The following NKAIN2 variants were observed in gnomAD, a reference collection of about 807,000 sequenced individuals.
The protein encoded by NKAIN2 is sodium/potassium-transporting ATPase subunit beta-1-interacting protein 2.
NKAIN2 carries 14 observed loss-of-function variants against 32.6 expected under a neutral mutation model. The ratio of observed to expected loss-of-function variants is 0.43; its 90% CI spans 0.28 to 0.67. The LOEUF (loss-of-function observed/expected upper bound fraction) is 0.67. Ranked by LOEUF, NKAIN2 falls within the 30% of genes least tolerant of loss-of-function variation. NKAIN2 has a pLI of 0.17. For synonymous variants in NKAIN2, 80 were observed against 87.2 expected, an observed-to-expected ratio of 0.92 and a Z score of 0.46; for missense variants, 198 against 258.3, an observed-to-expected ratio of 0.77 and a Z score of 1.60.
intron 3 of NKAIN2, among the ~76,000 whole-genome samples, chr6:124,649,256 TAAG>T (rs1235850089): frequency 6.6e-6 from 1 of 152,098 alleles, no homozygotes; most frequent in African/African-American, 2.4e-5. Flanking sequence ...AGAGGGAAGT[TAAG>T]AATTACTAAT....
intron 3 of NKAIN2, among the ~76,000 whole-genome samples, chr6:124,467,323 G>T (rs1473970334): frequency 6.6e-6 from 1 of 152,062 alleles, no homozygotes; most frequent in East Asian, 1.9e-4. Flanking sequence ...TTAGTTTGAT[G>T]CATGTAAGAC....
chr6:124,411,228 T>C (rs1348390572), intron 3 of NKAIN2, among the ~76,000 whole-genome samples: 1 of 152,162 alleles, frequency 6.6e-6, no homozygotes, highest in Admixed American at 6.5e-5. Flanking sequence ...GTCATTATGA[T>C]GTTAGCTGGT....
At chr6:123,856,735 C>T (rs758590807) in intron 1 of NKAIN2, among the ~76,000 whole-genome samples, 14 of 152,200 alleles carry the variant, frequency 9.2e-5, no homozygotes, top group African/African-American at 1.9e-4. Flanking sequence ...TGGGGCTCCA[C>T]CACAGCCCTA....
chr6:123,913,828 A>AT (rs1775344547), intron 1 of NKAIN2, among the ~76,000 whole-genome samples: 1 of 152,182 alleles, frequency 6.6e-6, no homozygotes, highest in Non-Finnish European at 1.5e-5. Flanking sequence ...CTTTATATTG[A>AT]TTTTTTCATA....
intron 1 of NKAIN2, among the ~76,000 whole-genome samples, chr6:124,149,268 C>A (rs1787577662): frequency 6.6e-6 from 1 of 152,048 alleles, no homozygotes; most frequent in Non-Finnish European, 1.5e-5. Context: ...TTTTTACTTT[C>A]TTGATGGTAC....
At chr6:123,943,123 T>C (rs190412181) in intron 1 of NKAIN2, among the ~76,000 whole-genome samples, 7 of 152,164 alleles carry the variant, frequency 4.6e-5, no homozygotes, top group Admixed American at 4.6e-4. Flanking sequence ...TCAAGAGTAG[T>C]TGGAAAGGAA....
chr6:123,894,533 C>T (rs1433566946), intron 1 of NKAIN2, among the ~76,000 whole-genome samples: 1 of 151,648 alleles, frequency 6.6e-6, no homozygotes, highest in African/African-American at 2.4e-5. Context: ...GAGAAGCATT[C>T]AAGGAAGGAG....
chr6:124,189,914 T>C (rs1157748325), intron 1 of NKAIN2, among the ~76,000 whole-genome samples: 2 of 152,216 alleles, frequency 1.3e-5, no homozygotes, highest in Non-Finnish European at 2.9e-5. Flanking sequence ...TATAGACATT[T>C]GGTACTTTGA....
rs374915805 is a variant in NKAIN2, at chr6:124,523,477, C to T, written c.274-134709C>T. ...TTCGCACTTTTCCCCAAGGATTCAC[C>T]GAGAAAAATCAAAAGTGAATCACAA... On this transcript the variant is annotated intron_variant, in intron 3 of 6. Coordinates refer to ENST00000368417, the MANE Select transcript of NKAIN2 (RefSeq NM_001040214.3). Among the ~76,000 whole-genome samples the T allele has an allele frequency of 9.3e-5, 13 of 139,878 alleles. No individual in the cohort carries two copies. The East Asian group carries it at 2.2e-3, about 24-fold the overall frequency. The allele number at this position is 139,878 out of a possible 152,430, so 91.8% of individuals were successfully genotyped here. A position where few individuals can be genotyped will look rare whatever the true frequency, so the allele number is the denominator to read the frequency against.
At chr6:124,058,204 GTT>G (rs35264755) in intron 1 of NKAIN2, among the ~76,000 whole-genome samples, 110,469 of 132,146 alleles carry the variant, frequency 0.84, 46,028 homozygotes, top group Admixed American at 0.91. Flanking sequence ...TTTAAGTTTT[GTT>G]TTTTTTTTTT....
At chr6:124,341,750 C>T (rs1798124197) in intron 2 of NKAIN2, among the ~76,000 whole-genome samples, 1 of 152,104 alleles carries the variant, frequency 6.6e-6, no homozygotes, top group Non-Finnish European at 1.5e-5. Context: ...CCCTGACAAA[C>T]TAGAAGTTAT....
At chr6:124,378,013 T>G (rs759354035) in intron 3 of NKAIN2, among the ~76,000 whole-genome samples, 12 of 152,250 alleles carry the variant, frequency 7.9e-5, no homozygotes, top group Non-Finnish European at 1.6e-4. Context: ...CCCTGCTGGC[T>G]GTGTGGATAC....
intron 1 of NKAIN2, among the ~76,000 whole-genome samples, chr6:124,028,905 A>G (rs1259634810): frequency 4.3e-4 from 7 of 16,106 alleles, no homozygotes; most frequent in Admixed American, 3.0e-3. Flanking sequence ...ATATATATAC[A>G]CATATATGTA....
chr6:124,477,721 C>CCCTTCCCCCTCCCTCT (rs1489738900), intron 3 of NKAIN2, among the ~76,000 whole-genome samples: 1 of 65,754 alleles, frequency 1.5e-5, no homozygotes, highest in African/African-American at 5.0e-5. Flanking sequence ...TTACTCTTCC[C>CCCTTCCCCCTCCCTCT]CCTTCCCCCT....
At chr6:123,913,216 T>A (rs1775311949) in intron 1 of NKAIN2, among the ~76,000 whole-genome samples, 1 of 152,172 alleles carries the variant, frequency 6.6e-6, no homozygotes, top group South Asian at 2.1e-4. Context: ...GGGAAAGGGA[T>A]ACATTTTTGG....
intron 4 of NKAIN2, among the ~76,000 whole-genome samples, chr6:124,772,456 C>A (rs547947598): frequency 6.6e-6 from 1 of 152,242 alleles, no homozygotes; most frequent in South Asian, 2.1e-4. Flanking sequence ...GCCGAGTGGG[C>A]AGCTGCACAT....
chr6:124,307,496 T>A (rs1193326358), intron 2 of NKAIN2, among the ~76,000 whole-genome samples: 1 of 152,150 alleles, frequency 6.6e-6, no homozygotes, highest in East Asian at 1.9e-4. Flanking sequence ...TGAGCTCAGG[T>A]TGAAATATTT....
chr6:124,480,864 G>C (rs897586352), intron 3 of NKAIN2, among the ~76,000 whole-genome samples: 2 of 152,044 alleles, frequency 1.3e-5, no homozygotes, highest in Admixed American at 6.6e-5. Flanking sequence ...AAACTACTAA[G>C]AATGACGCTT....
chr6:124,179,973 A>T (rs802295), intron 1 of NKAIN2, among the ~76,000 whole-genome samples: 1 of 152,136 alleles, frequency 6.6e-6, no homozygotes, highest in Admixed American at 6.5e-5. Flanking sequence ...TAGATATTGC[A>T]TAGTGCTGAG....
Sources: gnomAD v4.1 joint callset for allele counts (sites outside exome capture counted in the v4.1 genomes callset) on GRCh38, gnomAD v4.1.1 for gene constraint, MANE v1.5 for transcripts, NCBI Gene and HGNC (gene_info 2026-07-23, HGNC 2026-07-21) for gene names.